The following MVB12B variants were observed in gnomAD, a reference collection of about 807,000 sequenced individuals.
The protein encoded by MVB12B is multivesicular body subunit 12B.
A neutral mutation model predicts 41.6 loss-of-function variants in MVB12B; 16 were observed. That is an observed-to-expected ratio of 0.38 (90% CI 0.26 to 0.58). The LOEUF (loss-of-function observed/expected upper bound fraction) is 0.58. Among genes scored for constraint, MVB12B ranks in the 20% least tolerant of loss-of-function variants. The probability of loss-of-function intolerance (pLI) is 0.62; values close to 1 mark genes in which losing one functional copy is unlikely to be tolerated. For missense variants in MVB12B, 274 were observed against 380.2 expected (o/e 0.72, Z 2.32); for synonymous variants, 133 against 139.7 (o/e 0.95, Z 0.34).
At position 126,486,595 on chromosome 9, in the gene MVB12B, G is replaced by A. The variant is rs564999868; in HGVS notation, c.873+2563G>A. On this transcript the variant is annotated intron_variant, in intron 9 of 9. Coordinates refer to ENST00000361171, the MANE Select transcript of MVB12B (RefSeq NM_033446.3). This position sits in a 1 kb window ranked among gnomAD's most constrained non-coding sequence, Gnocchi z 4.7. ...TCAGCGTCGAGCCATCTCCCCTCCC[G>A]TTCTGCTCCGGCCTGCCTGTGGGCC... Among the ~76,000 whole-genome samples the A allele has an allele frequency of 2.6e-5, 4 of 152,328 alleles. No individual in the cohort carries two copies. The highest frequency in any genetic ancestry group is 7.2e-5 in the African/African-American group (3 of 41,574).
At chr9:126,427,725 C>T (rs189500073) in intron 7 of MVB12B, among the ~76,000 whole-genome samples, 133 of 152,284 alleles carry the variant, frequency 8.7e-4, no homozygotes, top group African/African-American at 3.0e-3. Flanking sequence ...GGGTGAGCCA[C>T]AGTGCAGAAA....
At chr9:126,401,714 T>C (rs1831273588) in intron 6 of MVB12B, among the ~76,000 whole-genome samples, 1 of 152,224 alleles carries the variant, frequency 6.6e-6, no homozygotes, top group East Asian at 1.9e-4. Flanking sequence ...CATCACATCA[T>C]TGTCAGAAGC....
At chr9:126,341,489 A>T (rs1201731350) in intron 2 of MVB12B, among the ~76,000 whole-genome samples, 1 of 152,248 alleles carries the variant, frequency 6.6e-6, no homozygotes, top group African/African-American at 2.4e-5. Context: ...CCAAGAATGC[A>T]TAAGAGTGAA....
chr9:126,343,894 G>A (rs1313716652), intron 2 of MVB12B, among the ~76,000 whole-genome samples: 1 of 152,176 alleles, frequency 6.6e-6, no homozygotes, highest in Non-Finnish European at 1.5e-5. Flanking sequence ...TCCAGCCTGG[G>A]CAACAGAGTG....
intron 7 of MVB12B, among the ~76,000 whole-genome samples, chr9:126,445,476 G>T (rs1259251855): frequency 6.6e-6 from 1 of 151,968 alleles, no homozygotes; most frequent in East Asian, 1.9e-4. Flanking sequence ...GCTAATTTTT[G>T]TATTTTTAGT....
At chr9:126,418,687 G>A (rs1437085382) in intron 6 of MVB12B, among the ~76,000 whole-genome samples, 1 of 152,120 alleles carries the variant, frequency 6.6e-6, no homozygotes, top group Non-Finnish European at 1.5e-5. Flanking sequence ...TGGCCTTCTA[G>A]GCATGGCCAC....
At chr9:126,331,555 A>C (rs1172463328) in intron 1 of MVB12B, among the ~76,000 whole-genome samples, 1 of 152,162 alleles carries the variant, frequency 6.6e-6, no homozygotes, top group Non-Finnish European at 1.5e-5. Flanking sequence ...ATTTCCTCCC[A>C]TTCCATAGGT....
intron 2 of MVB12B, among the ~76,000 whole-genome samples, chr9:126,371,390 G>T (rs944400214): frequency 6.6e-6 from 1 of 152,222 alleles, no homozygotes; most frequent in Non-Finnish European, 1.5e-5. Context: ...TTCCTGTCTC[G>T]TGGGCCCCCC....
At chr9:126,341,170 A>G (rs2118824825) in intron 2 of MVB12B, among the ~76,000 whole-genome samples, 1 of 152,348 alleles carries the variant, frequency 6.6e-6, no homozygotes, top group East Asian at 1.9e-4. Flanking sequence ...ATGGTGAATC[A>G]TCAGGACCAG....
At chr9:126,375,027 A>T (rs975373837) in intron 2 of MVB12B, among the ~76,000 whole-genome samples, 5 of 152,196 alleles carry the variant, frequency 3.3e-5, no homozygotes, top group Admixed American at 2.0e-4. Context: ...TCCACTTTTT[A>T]AGATTTTTTT....
chr9:126,502,827 G>T (rs1243359888), intron 9 of MVB12B, among the ~76,000 whole-genome samples: 1 of 152,236 alleles, frequency 6.6e-6, no homozygotes, highest in Admixed American at 6.5e-5. Context: ...CGCTGGGTGG[G>T]AGGCCATGAC....
At chr9:126,431,886 A>G (rs1384852994) in intron 7 of MVB12B, among the ~76,000 whole-genome samples, 1 of 152,192 alleles carries the variant, frequency 6.6e-6, no homozygotes, top group African/African-American at 2.4e-5. Context: ...GAACATAGCA[A>G]TAGGTCGGCT....
In MVB12B at chr9:126,486,578, G is replaced by C. The variant is rs545475513; in HGVS notation, c.873+2546G>C. Among the ~76,000 whole-genome samples, 1 of 152,316 alleles carries C rather than the reference G, an allele frequency of 6.6e-6. No homozygotes were observed. The highest frequency in any genetic ancestry group is 2.1e-4 in the South Asian group (1 of 4,832). On this transcript the variant is annotated intron_variant, in intron 9 of 9. Transcript: ENST00000361171. The surrounding 1 kb of genome is among the most constrained non-coding windows in gnomAD (Gnocchi z 4.7). Reference sequence around the variant, plus strand: ...TGCTGGCAGCAGCGGCCTCAGCGTCGAGCCATCTCCCCTCCCGTTCTGCTC... The same window carrying C: ...TGCTGGCAGCAGCGGCCTCAGCGTCCAGCCATCTCCCCTCCCGTTCTGCTC...
At chr9:126,404,479 C>T (rs1831361298) in intron 6 of MVB12B, among the ~76,000 whole-genome samples, 1 of 152,246 alleles carries the variant, frequency 6.6e-6, no homozygotes, top group South Asian at 2.1e-4. Flanking sequence ...CAAGCATGTG[C>T]CTGGAAGGGC....
intron 7 of MVB12B, among the ~76,000 whole-genome samples, chr9:126,434,406 G>A (rs182093718): frequency 1.1e-3 from 170 of 152,318 alleles, no homozygotes; most frequent in African/African-American, 3.7e-3. Context: ...TCCTTTGTTA[G>A]AGAGCAGTTT....
chr9:126,482,478 C>G lies in MVB12B; in HGVS notation c.813+1054C>G, dbSNP rs192967764. On this transcript the variant is annotated intron_variant, in intron 8 of 9. Coordinates refer to ENST00000361171, the MANE Select transcript of MVB12B (RefSeq NM_033446.3). ...AATGCTCGTGATGTGACATGCGGAG[C>G]TCCAGGAACTTCAGCCGACTCCACG... 5.4e-3 allele frequency among the ~76,000 whole-genome samples: 821 copies of G among 152,276 alleles called. 11 individuals are homozygous for G. The highest frequency in any genetic ancestry group is 8.1e-3 in the Non-Finnish European group (549 of 68,032).
intron 7 of MVB12B, among the ~76,000 whole-genome samples, chr9:126,424,753 T>C (rs1355654729): frequency 1.3e-5 from 2 of 152,384 alleles, no homozygotes; most frequent in South Asian, 2.1e-4. Flanking sequence ...CTGAGATGCC[T>C]GTGGCCTGCG....
intron 9 of MVB12B, among the ~76,000 whole-genome samples, chr9:126,495,592 C>T (rs1300968437): frequency 6.6e-6 from 1 of 152,218 alleles, no homozygotes. Context: ...AGTGGACACT[C>T]TTCCCAGCTG....
At chr9:126,362,916 G>T (rs1170505980) in intron 2 of MVB12B, among the ~76,000 whole-genome samples, 2 of 152,160 alleles carry the variant, frequency 1.3e-5, no homozygotes, top group Non-Finnish European at 2.9e-5. Context: ...GCCAGGCGTG[G>T]TGGCTCACAC....
Sources: gnomAD v4.1 joint callset for allele counts (sites outside exome capture counted in the v4.1 genomes callset) on GRCh38, gnomAD v4.1.1 for gene constraint, Gnocchi (gnomAD v3.1) non-coding constraint, MANE v1.5 for transcripts, NCBI Gene and HGNC (gene_info 2026-07-23, HGNC 2026-07-21) for gene names.